The following PRPF38A variants were observed in gnomAD, a reference collection of about 807,000 sequenced individuals.
The protein encoded by PRPF38A is pre-mRNA processing factor 38A.
PRPF38A carries 11 observed loss-of-function variants against 46.8 expected under a neutral mutation model. The ratio of observed to expected loss-of-function variants is 0.24; its 90% CI spans 0.15 to 0.39. The LOEUF is 0.39. Ranked by LOEUF, PRPF38A falls within the 10% of genes least tolerant of loss-of-function variation. The pLI is 1.00. For missense variants in PRPF38A, 261 were observed against 407.5 expected, an observed-to-expected ratio of 0.64 and a Z score of 3.10; for synonymous variants, 124 against 136.2, an observed-to-expected ratio of 0.91 and a Z score of 0.62.
chr1:52,417,259 TTCAACAGAGA>T lies in PRPF38A; in HGVS notation c.*570_*579del, dbSNP rs1268275884. 6.4e-6 allele frequency: 1 copy of T among 156,324 alleles called. No homozygotes were observed. Among genetic ancestry groups the T allele is most frequent in the African/African-American group, 2.4e-5 (1 of 41,472 alleles). 9.7% of individuals were successfully genotyped at this position (156,324 alleles called of 1,614,324 possible). ...CATTAAAGCCAGTTTCATCAAACAG[TTCAACAGAGA>T]GCAGCACTTAATACCCTTTATACAG... On this transcript the variant is annotated 3_prime_UTR_variant, in exon 10 of 10. Transcript: ENST00000257181.
rs1648216637 is a variant in PRPF38A at position 52,413,866 on chromosome 1, ATCT to A, written c.610-11_610-9del. The A allele has an allele frequency of 6.4e-7, 1 of 1,572,414 alleles. No homozygotes were observed. Among genetic ancestry groups the A allele is most frequent in the Non-Finnish European group, 8.8e-7 (1 of 1,142,278 alleles). On this transcript the variant is annotated splice_polypyrimidine_tract_variant and intron_variant, in intron 5 of 9. Coordinates refer to ENST00000257181, the MANE Select transcript of PRPF38A (RefSeq NM_032864.4). ...GCCTGTGCCTTTCAATGACCCAATC[ATCT>A]TGTTTCCAGTTGGAAAGAGTGCCAT...
At chr1:52,408,762 G>C (rs1648069273) in intron 3 of PRPF38A, 72 bp downstream of exon 3, 2 of 1,550,502 alleles carry the variant, frequency 1.3e-6, no homozygotes, top group African/African-American at 2.7e-5. Flanking sequence ...TTCTACCTTT[G>C]CATTGTCATA....
At chr1:52,415,266 AG>A in intron 8 of PRPF38A, 71 bp from the exon 9 acceptor site, 1 of 1,465,028 alleles carries the variant, frequency 6.8e-7, no homozygotes. Context: ...GGCAGGTATT[AG>A]GGGAGGTGAG....
intron 5 of PRPF38A, 65 bp from the exon 6 acceptor site, chr1:52,413,810 ATAAT>A: frequency 2.0e-6 from 2 of 999,812 alleles, no homozygotes; most frequent in South Asian, 1.3e-5. Context: ...GGCGTGAAGT[ATAAT>A]TAGTGTTCCT....
chr1:52,413,822 C>A, intron 5 of PRPF38A, 57 bp from the exon 6 acceptor site: 1 of 1,139,068 alleles, frequency 8.8e-7, no homozygotes, highest in Non-Finnish European at 1.3e-6. Flanking sequence ...AATTAGTGTT[C>A]CTAGATGGCT....
rs1363713318 is a variant in PRPF38A at position 52,419,274 on chromosome 1, T to A, written c.*2584T>A. The A allele has an allele frequency of 6.6e-6, 1 of 151,688 alleles. No homozygotes were observed. The highest frequency in any genetic ancestry group is 1.5e-5 in the Non-Finnish European group (1 of 68,118). The allele number at this position is 151,688 out of a possible 1,614,324, so 9.4% of individuals were successfully genotyped here. On this transcript the variant is annotated 3_prime_UTR_variant, in exon 10 of 10. Coordinates refer to ENST00000257181, the MANE Select transcript of PRPF38A (RefSeq NM_032864.4). ...GGGAGGCTGAGGCAGGAGAATCGCT[T>A]GAACCTGGGAGGCAGAGGATGCGGT...
intron 9 of PRPF38A, among the ~76,000 whole-genome samples, chr1:52,416,200 T>C (rs929659530): frequency 6.6e-6 from 1 of 151,902 alleles, no homozygotes; most frequent in Non-Finnish European, 1.5e-5. Context: ...TGGATAGTAA[T>C]GCCTGACTCA....
In PRPF38A at chr1:52,411,215, T is replaced by G; in HGVS notation, c.498+15T>G. ...CCCGACTACAGGTAAGAAATAAAAG[T>G]CTGTTACCAGAGTCACCCTTCTCTT... is the stretch of plus-strand genomic sequence containing the variant. On this transcript the variant is annotated intron_variant, in intron 4 of 9. Transcript: ENST00000257181. 6.3e-7 allele frequency: 1 copy of G among 1,589,318 alleles called. No homozygotes were observed.
chr1:52,414,096 C>A (rs1288118367), intron 6 of PRPF38A, 105 bp downstream of exon 6: 20 of 699,002 alleles, frequency 2.9e-5, no homozygotes, highest in Non-Finnish European at 4.0e-5. Flanking sequence ...AATGTTTGCC[C>A]AATATATTAG....
chr1:52,405,688 G>A lies in PRPF38A; in HGVS notation c.139G>A (p.Val47Ile), dbSNP rs1261518888. The A allele has an allele frequency of 6.2e-7, 1 of 1,613,050 alleles. No homozygotes were observed. Among genetic ancestry groups the A allele is most frequent in the South Asian group, 1.1e-5 (1 of 90,996 alleles). Residue 47 changes from valine to isoleucine, a missense_variant, in exon 2 of 10, where the codon GTA (valine) becomes ATA (isoleucine). By Grantham distance (29) the Val-to-Ile change is conservative. Transcript: ENST00000257181. Reference protein sequence around the residue: ...EECFGLTAELVVDKAMELRFV... With the variant: ...EECFGLTAELIVDKAMELRFV... ...TTGTTTTTGTTTTTTAGCTGAACTT[G>A]TAGTCGATAAAGCCATGGAGTTAAG...
rs1357851199 is a variant in PRPF38A, at chr1:52,419,449, C to CTGTT, written c.*2764_*2767dup. Reference sequence around the variant, plus strand: ...TCAAGCTCATTCCTCTAACCTCTTCCTGTTTGTTATTCTTCAGTAGACCGA... The same window carrying CTGTT: ...TCAAGCTCATTCCTCTAACCTCTTCCTGTTTGTTTGTTATTCTTCAGTAGACCGA... On this transcript the variant is annotated 3_prime_UTR_variant, in exon 10 of 10. Coordinates refer to ENST00000257181, the MANE Select transcript of PRPF38A (RefSeq NM_032864.4). The CTGTT allele has an allele frequency of 6.6e-6, 1 of 151,690 alleles. No individual in the cohort carries two copies. The highest frequency in any genetic ancestry group is 1.5e-5 in the Non-Finnish European group (1 of 67,984). 9.4% of individuals were successfully genotyped at this position (151,690 alleles called of 1,614,324 possible). A position where few individuals can be genotyped will look rare whatever the true frequency, so the allele number is the denominator to read the frequency against.
In PRPF38A at chr1:52,414,808, C is replaced by A. The variant is rs1463917681; in HGVS notation, c.796C>A (p.His266Asn). The stretch of plus-strand genomic sequence containing the variant: ...GCATCGGAGCAAGAGTCCAAGACGT[C>A]ACCGCAGCAGGTCCCGAGATCGGCG... ...ERHRSKSPRR[H>N]RSRSRDRRHR... The change falls in exon 8 of 10, where the codon CAC (histidine) becomes AAC (asparagine). Residue 266 changes from histidine (H) to asparagine (N), a missense_variant. Physicochemically the swap from His to Asn is moderately conservative, Grantham distance 68 (BLOSUM62 1). Coordinates refer to ENST00000257181, the MANE Select transcript of PRPF38A (RefSeq NM_032864.4). 1.9e-6 allele frequency: 3 copies of A among 1,614,074 alleles called. No individual in the cohort carries two copies. Among genetic ancestry groups the A allele is most frequent in the Non-Finnish European group, 2.5e-6 (3 of 1,180,044 alleles).
chr1:52,405,671 G>C lies in PRPF38A; in HGVS notation c.131-9G>C, dbSNP rs1233768228. On this transcript the variant is annotated splice_polypyrimidine_tract_variant and intron_variant, in intron 1 of 9. Coordinates refer to ENST00000257181, the MANE Select transcript of PRPF38A (RefSeq NM_032864.4). ...CCTAATATGTTACTGTATTGTTTTT[G>C]TTTTTTAGCTGAACTTGTAGTCGAT... 5 of 1,612,066 alleles carry C rather than the reference G, an allele frequency of 3.1e-6. No homozygotes were observed. The African/African-American group carries it at 4.0e-5, about 13-fold the overall frequency.
In PRPF38A at chr1:52,414,829, C is replaced by T. The variant is rs950318127; in HGVS notation, c.817C>T (p.Arg273Trp). The change falls in exon 8 of 10, where the codon CGG (arginine) becomes TGG (tryptophan). Residue 273 changes from arginine to tryptophan, a missense_variant. Around this residue, in one of 2 missense-constraint regions of PRPF38A, gnomAD observed 180 missense variants for 221.0 expected, o/e 0.81. Transcript: ENST00000257181. ...PRRHRSRSRD[R>W]RHRSRSKSPG... ...ACGTCACCGCAGCAGGTCCCGAGAT[C>T]GGCGGCACAGATCCCGTTCCAAGTC... 1.2e-5 allele frequency: 19 copies of T among 1,614,168 alleles called. No individual in the cohort carries two copies. Among genetic ancestry groups the T allele is most frequent in the Middle Eastern group, 1.6e-4 (1 of 6,062 alleles).
chr1:52,416,494 A>T (rs1648295429), intron 9 of PRPF38A, among the ~76,000 whole-genome samples, 154 bp from the exon 10 acceptor site: 2 of 152,042 alleles, frequency 1.3e-5, no homozygotes, highest in African/African-American at 4.8e-5. Context: ...CTTTTAGTAG[A>T]GACAGGGTTT....
At chr1:52,413,093 A>G (rs1211777538) in intron 5 of PRPF38A, among the ~76,000 whole-genome samples, 1 of 152,226 alleles carries the variant, frequency 6.6e-6, no homozygotes, top group Non-Finnish European at 1.5e-5. Context: ...AATCTTACGC[A>G]AATTACTTAA....
At chr1:52,405,581 T>C (rs1647960039) in intron 1 of PRPF38A, 99 bp from the exon 2 acceptor site, 1 of 1,033,082 alleles carries the variant, frequency 9.7e-7, no homozygotes, top group Non-Finnish European at 1.5e-6. Context: ...AATATTACAC[T>C]GTTGATGTAT....
At chr1:52,414,963 G>A in intron 8 of PRPF38A, 104 bp downstream of exon 8, 2 of 1,004,020 alleles carry the variant, frequency 2.0e-6, no homozygotes, top group Non-Finnish European at 3.0e-6. Flanking sequence ...CTGCCTAACA[G>A]AAAAGCAAAT....
chr1:52,412,776 G>A, intron 5 of PRPF38A, 152 bp downstream of exon 5: 1 of 568,596 alleles, frequency 1.8e-6, no homozygotes, highest in Non-Finnish European at 3.1e-6. Context: ...AAGGCGAGTG[G>A]ATGACCAGCG....
Sources: allele counts gnomAD v4.1 joint callset (sites outside exome capture counted in the v4.1 genomes callset), GRCh38; gene constraint gnomAD v4.1.1; regional missense constraint gnomAD v4.1.1; transcripts MANE v1.5; gene names NCBI Gene and HGNC (gene_info 2026-07-23, HGNC 2026-07-21).